Variants in SI observed in about 807,000 individuals in gnomAD.
The protein encoded by SI is sucrase-isomaltase, intestinal.
Under a neutral mutation model 253.3 loss-of-function variants are expected in SI, and 235 were observed. That is an observed-to-expected ratio of 0.93 (90% CI 0.83 to 1.03). The LOEUF is 1.03. SI is among the 50% of genes least tolerant of loss of function. The pLI is 0.00. For synonymous variants in SI, 819 were observed against 712.0 expected (o/e 1.15, Z -2.39); for missense variants, 2,442 against 2,211.1 (o/e 1.10, Z -2.09).
At chr3:165,071,083 A>G (rs1192163051) in intron 3 of SI, among the ~76,000 whole-genome samples, 5 of 152,092 alleles carry the variant, frequency 3.3e-5, no homozygotes, top group Non-Finnish European at 7.4e-5. Context: ...GCAAGGCCCA[A>G]ATTAATTTAC....
intron 32 of SI, 68 bp downstream of exon 32, chr3:165,015,884 C>G: frequency 7.4e-7 from 1 of 1,354,140 alleles, no homozygotes; most frequent in Non-Finnish European, 1.1e-6. Flanking sequence ...ATCTTCCCCC[C>G]CACCTGCTCA....
rs199965028 is a variant in SI at position 164,992,303 on chromosome 3, T to C, written c.4926+10A>G. ...AAATTGTGTAAACAAAAATATGTGGTAGGACTTACAGGTTCCAGTACTGGG... is the reference window on the plus strand; with the variant it reads ...AAATTGTGTAAACAAAAATATGTGGCAGGACTTACAGGTTCCAGTACTGGG... On this transcript the variant is annotated intron_variant, in intron 42 of 47. Transcript: ENST00000264382. The C allele has an allele frequency of 5.6e-6, 9 of 1,612,352 alleles. No individual in the cohort carries two copies. The highest frequency in any genetic ancestry group is 1.1e-5 in the South Asian group (1 of 91,052).
At chr3:165,048,580 T>TAC (rs71156876) in intron 15 of SI, among the ~76,000 whole-genome samples, 1 of 109,846 alleles carries the variant, frequency 9.1e-6, no homozygotes, top group African/African-American at 3.2e-5. Context: ...TATATATATA[T>TAC]ATATAGAGAG....
At chr3:165,015,874 A>G (rs1718997014) in intron 32 of SI, 78 bp downstream of exon 32, 1 of 1,276,504 alleles carries the variant, frequency 7.8e-7, no homozygotes, top group Non-Finnish European at 1.1e-6. Context: ...ATTTTGAAAC[A>G]TCTTCCCCCC....
At chr3:164,984,530 T>C (rs977753800) in intron 45 of SI, among the ~76,000 whole-genome samples, 3 of 152,120 alleles carry the variant, frequency 2.0e-5, no homozygotes, top group African/African-American at 7.2e-5. Context: ...AAGTGACAGC[T>C]ATTACGAAGA....
At chr3:165,012,344 G>A (rs573349554) in intron 34 of SI, among the ~76,000 whole-genome samples, 11 of 152,148 alleles carry the variant, frequency 7.2e-5, no homozygotes, top group African/African-American at 1.2e-4. Flanking sequence ...TATAGTTTAC[G>A]ATGATTTATT....
intron 41 of SI, among the ~76,000 whole-genome samples, chr3:164,992,821 A>G (rs1036630746): frequency 3.9e-5 from 6 of 151,946 alleles, no homozygotes; most frequent in Non-Finnish European, 8.8e-5. Context: ...TGCTTATCTT[A>G]CTTAATAAAC....
chr3:164,995,661 T>C (rs957677613), intron 40 of SI, among the ~76,000 whole-genome samples: 30 of 151,886 alleles, frequency 2.0e-4, no homozygotes, highest in African/African-American at 6.5e-4. Flanking sequence ...TACGTTTATA[T>C]TGGTTACTGT....
At chr3:165,058,892 A>ACACACAC in intron 12 of SI, 71 bp downstream of exon 12, 10 of 1,288,500 alleles carry the variant, frequency 7.8e-6, no homozygotes, top group Non-Finnish European at 1.1e-5. Flanking sequence ...ACACACGCAC[A>ACACACAC]TCCACAGAAA....
intron 44 of SI, among the ~76,000 whole-genome samples, chr3:164,990,780 G>A (rs1717694617): frequency 6.6e-6 from 1 of 151,956 alleles, no homozygotes; most frequent in South Asian, 2.1e-4. Flanking sequence ...ATAGCATTAG[G>A]AGATATACCT....
intron 6 of SI, among the ~76,000 whole-genome samples, chr3:165,065,793 C>T (rs573047727): frequency 2.0e-5 from 3 of 151,450 alleles, no homozygotes; most frequent in South Asian, 4.2e-4. Flanking sequence ...AGTTTCAAAC[C>T]CAATTCTGCT....
chr3:165,081,484 C>T (rs1236494817), upstream of SI, among the ~76,000 whole-genome samples: 1 of 151,882 alleles, frequency 6.6e-6, no homozygotes, highest in Non-Finnish European at 1.5e-5. Context: ...AAATCATGGA[C>T]GTCTACAGTA....
intron 27 of SI, among the ~76,000 whole-genome samples, chr3:165,020,396 A>G (rs1711537359): frequency 6.6e-6 from 1 of 151,754 alleles, no homozygotes; most frequent in Admixed American, 6.6e-5. Context: ...AAGCGTAAGT[A>G]TTACAAGTAA....
In SI at chr3:165,049,806, G is replaced by T; in HGVS notation, c.1582C>A (p.Pro528Thr). The change falls in exon 14 of 48, where the codon CCA (proline) becomes ACA (threonine). Residue 528 changes from proline to threonine, a missense_variant. Physicochemically the swap from Pro to Thr is conservative, Grantham distance 38 (BLOSUM62 -1). Transcript: ENST00000264382. The part of the protein sequence containing the change: ...KGCNVNKLNY[P>T]PFTPDILDKL... ...TAAATTTTACCAGGAGTAAACGGTG[G>T]ATAATTCAATTTGTTTACATTACAT... 1.9e-6 allele frequency: 3 copies of T among 1,596,902 alleles called. No individual in the cohort carries two copies. The highest frequency in any genetic ancestry group is 1.3e-5 in the African/African-American group (1 of 74,612).
chr3:165,072,650 A>T (rs1714661918), intron 3 of SI, among the ~76,000 whole-genome samples: 1 of 152,100 alleles, frequency 6.6e-6, no homozygotes, highest in Non-Finnish European at 1.5e-5. Flanking sequence ...GTTAAAGAAC[A>T]GTGACTACTG....
intron 8 of SI, 38 bp from the exon 9 acceptor site, chr3:165,062,521 G>A: frequency 1.9e-6 from 2 of 1,027,590 alleles, no homozygotes; most frequent in Non-Finnish European, 3.1e-6. Context: ...TGTAAATAGT[G>A]AAAAGGATTA....
At chr3:165,026,074 G>C (rs1383611439) in intron 25 of SI, among the ~76,000 whole-genome samples, 1 of 151,174 alleles carries the variant, frequency 6.6e-6, no homozygotes, top group Non-Finnish European at 1.5e-5. Context: ...CCAACTATCT[G>C]CTGCCTCCAA....
chr3:164,997,402 A>C (rs75046058), intron 38 of SI, among the ~76,000 whole-genome samples: 1 of 150,404 alleles, frequency 6.6e-6, no homozygotes, highest in East Asian at 2.0e-4. Context: ...TTATTCTACT[A>C]TTGTCACAAA....
rs535271591 is a variant in SI at position 164,991,255 on chromosome 3, T to G, written c.5108+98A>C. ...ACTGAGGCAGGCTAATGTACTAGCTTGGCGATGGGTTAAAATTTCAAACCC... is the reference window on the plus strand; with the variant it reads ...ACTGAGGCAGGCTAATGTACTAGCTGGGCGATGGGTTAAAATTTCAAACCC... On this transcript the variant is annotated intron_variant, in intron 44 of 47. Transcript: ENST00000264382. 1.3e-3 allele frequency: 1,725 copies of G among 1,349,954 alleles called. 1 individual carries two copies. Among genetic ancestry groups the G allele is most frequent in the Non-Finnish European group, 1.7e-3 (1,591 of 942,790 alleles). 83.6% of individuals were successfully genotyped at this position (1,349,954 alleles called of 1,614,324 possible).
Sources: gnomAD v4.1 joint callset for allele counts (sites outside exome capture counted in the v4.1 genomes callset) on GRCh38, gnomAD v4.1.1 for gene constraint, MANE v1.5 for transcripts, NCBI Gene and HGNC (gene_info 2026-07-23, HGNC 2026-07-21) for gene names.